The following TIMM9 variants were observed in gnomAD, a reference collection of about 807,000 sequenced individuals.
TIMM9 encodes the protein mitochondrial import inner membrane translocase subunit Tim9.
TIMM9 carries 10 observed loss-of-function variants against 13.4 expected under a neutral mutation model. The observed-to-expected ratio is 0.75, with a 90% CI of 0.46 to 1.26. The LOEUF (loss-of-function observed/expected upper bound fraction) is 1.26. Among genes scored for constraint, TIMM9 ranks in the 50% most tolerant of loss-of-function variants. TIMM9 has a pLI of 0.00. For synonymous variants in TIMM9, 32 were observed against 32.1 expected (o/e 1.00, Z 0.01); for missense variants, 87 against 100.8 (o/e 0.86, Z 0.58).
intron 3 of TIMM9, among the ~76,000 whole-genome samples, chr14:58,421,778 G>C (rs1566753846): frequency 6.6e-6 from 1 of 151,660 alleles, no homozygotes. Context: ...TGTTTTGTGA[G>C]AACTTGAAAA....
chr14:58,409,028 A>G lies in TIMM9; in HGVS notation c.*6T>C, dbSNP rs549233847. 3 of 1,607,594 alleles carry G rather than the reference A, an allele frequency of 1.9e-6. No homozygotes were observed. The highest frequency in any genetic ancestry group is 1.7e-5 in the Admixed American group (1 of 57,772). On this transcript the variant is annotated 3_prime_UTR_variant, in exon 6 of 6. Transcript: ENST00000395159. ...TTTCATCAAAAGTTCATCCATCAGG[A>G]CTTCTCTATCGTGGTTGGCCAAGGA... is the stretch of plus-strand genomic sequence containing the variant.
intron 3 of TIMM9, among the ~76,000 whole-genome samples, chr14:58,417,191 C>T (rs886141865): frequency 6.6e-6 from 1 of 152,086 alleles, no homozygotes; most frequent in Non-Finnish European, 1.5e-5. Flanking sequence ...CCATGTGGAA[C>T]TGTAAGTCCA....
chr14:58,417,623 AAGGGAGGGAGGG>A (rs373080212), intron 3 of TIMM9, among the ~76,000 whole-genome samples: 3 of 108,898 alleles, frequency 2.8e-5, no homozygotes, highest in Non-Finnish European at 5.6e-5. Flanking sequence ...GGAAGGAGGG[AAGGGAGGGAGGG>A]AGGGAGGGAG....
chr14:58,421,903 AC>A (rs1398683279), intron 3 of TIMM9, among the ~76,000 whole-genome samples: 1 of 152,134 alleles, frequency 6.6e-6, no homozygotes, highest in African/African-American at 2.4e-5. Context: ...TCGAATAAGG[AC>A]AGTACACTCA....
At chr14:58,422,013 C>CTTT (rs34329213) in intron 3 of TIMM9, among the ~76,000 whole-genome samples, 6 of 121,224 alleles carry the variant, frequency 4.9e-5, no homozygotes, top group African/African-American at 1.9e-4. Flanking sequence ...AAAATCTGTT[C>CTTT]TTTTTTTTTT....
chr14:58,414,091 A>C (rs1186206155), intron 3 of TIMM9, among the ~76,000 whole-genome samples: 4 of 151,514 alleles, frequency 2.6e-5, no homozygotes, highest in African/African-American at 9.7e-5. Flanking sequence ...TGTAAAAGGA[A>C]AACATGAATC....
chr14:58,424,171 T>C (rs2036670228), intron 2 of TIMM9, 76 bp from the exon 3 acceptor site: 1 of 152,234 alleles, frequency 6.6e-6, no homozygotes. Context: ...TAAACTTCTA[T>C]TGGCTAATCA....
intron 5 of TIMM9, among the ~76,000 whole-genome samples, chr14:58,409,393 C>CA (rs1363265393): frequency 1.3e-5 from 2 of 152,056 alleles, no homozygotes; most frequent in Non-Finnish European, 2.9e-5. Context: ...TCACTAAGAG[C>CA]AATGATAAGT....
At chr14:58,414,496 G>C (rs1414585112) in intron 3 of TIMM9, among the ~76,000 whole-genome samples, 2 of 152,026 alleles carry the variant, frequency 1.3e-5, no homozygotes, top group Non-Finnish European at 2.9e-5. Flanking sequence ...CCAGCACTTT[G>C]GGAGGCTGAG....
At chr14:58,418,766 G>A (rs536889375) in intron 3 of TIMM9, among the ~76,000 whole-genome samples, 1 of 152,074 alleles carries the variant, frequency 6.6e-6, no homozygotes, top group Non-Finnish European at 1.5e-5. Flanking sequence ...ACTTGTATGT[G>A]GAAAACTACC....
chr14:58,408,845 C>T lies in TIMM9; in HGVS notation c.*189G>A. On this transcript the variant is annotated 3_prime_UTR_variant, in exon 6 of 6. Transcript: ENST00000395159. ...CTTATTATTTCACTGAACAATAAGA[C>T]CTTCTATTGTGATTATTCCTGGTAA... The T allele has an allele frequency of 5.0e-6, 4 of 800,550 alleles. No homozygotes were observed. Among genetic ancestry groups the T allele is most frequent in the Non-Finnish European group, 7.6e-6 (4 of 526,318 alleles). 49.6% of individuals were successfully genotyped at this position (800,550 alleles called of 1,614,324 possible).
At chr14:58,412,020 T>A in intron 3 of TIMM9, 49 bp from the exon 4 acceptor site, 3 of 1,395,464 alleles carry the variant, frequency 2.1e-6, no homozygotes, top group Non-Finnish European at 3.0e-6. Flanking sequence ...ACAAATGTTT[T>A]TAGTCTAACT....
At chr14:58,418,493 T>C (rs538992744) in intron 3 of TIMM9, among the ~76,000 whole-genome samples, 8 of 152,236 alleles carry the variant, frequency 5.3e-5, no homozygotes, top group East Asian at 1.9e-4. Context: ...GACATAAAGA[T>C]TGTAAAAGAA....
At chr14:58,412,043 A>T in intron 3 of TIMM9, 72 bp from the exon 4 acceptor site, 1 of 1,080,510 alleles carries the variant, frequency 9.3e-7, no homozygotes, top group Non-Finnish European at 1.4e-6. Context: ...AGAGTTAGGG[A>T]ATCACTGCTC....
chr14:58,408,616 A>G lies in TIMM9; in HGVS notation c.*418T>C, dbSNP rs778360596. ...TCAACGTATCCACAGTCCAGTGAGA[A>G]TACTATGGTACCATACAGTATAAAC... On this transcript the variant is annotated 3_prime_UTR_variant, in exon 6 of 6. Transcript: ENST00000395159. 5 of 1,594,378 alleles carry G rather than the reference A, an allele frequency of 3.1e-6. No individual in the cohort carries two copies. The East Asian group carries it at 1.1e-4, about 36-fold the overall frequency.
chr14:58,422,307 G>A (rs749769146), intron 3 of TIMM9, among the ~76,000 whole-genome samples: 1 of 151,742 alleles, frequency 6.6e-6, no homozygotes, highest in African/African-American at 2.4e-5. Context: ...TAGAGACGGG[G>A]GTTTCTCCAC....
At chr14:58,416,650 C>T (rs534429909) in intron 3 of TIMM9, among the ~76,000 whole-genome samples, 14 of 152,172 alleles carry the variant, frequency 9.2e-5, no homozygotes, top group Non-Finnish European at 1.5e-4. Context: ...TTATGTTTGT[C>T]GGTTGAAGCA....
intron 3 of TIMM9, among the ~76,000 whole-genome samples, chr14:58,413,293 C>G (rs541840720): frequency 6.8e-4 from 104 of 152,272 alleles, no homozygotes; most frequent in Middle Eastern, 3.4e-3. Flanking sequence ...AAATTAGTTG[C>G]TAATTTAACT....
At chr14:58,422,294 T>C (rs1165770601) in intron 3 of TIMM9, among the ~76,000 whole-genome samples, 1 of 152,046 alleles carries the variant, frequency 6.6e-6, no homozygotes, top group African/African-American at 2.4e-5. Context: ...TTTCTATTTT[T>C]AGTAGAGACG....
Sources: allele counts gnomAD v4.1 joint callset (sites outside exome capture counted in the v4.1 genomes callset), GRCh38; gene constraint gnomAD v4.1.1; transcripts MANE v1.5; gene names NCBI Gene and HGNC (gene_info 2026-07-23, HGNC 2026-07-21).